Variants in NXPE2 observed in about 807,000 individuals in gnomAD.
NXPE2 encodes neurexophilin and PC-esterase domain family member 2.
A neutral mutation model predicts 34.4 loss-of-function variants in NXPE2; 34 were observed. That is an observed-to-expected ratio of 0.99 (90% CI 0.75 to 1.31). The LOEUF is 1.31. Ranked by LOEUF, NXPE2 falls within the 40% of genes most tolerant of loss-of-function variation. The pLI is 0.00. For synonymous variants in NXPE2, 235 were observed against 231.3 expected, an observed-to-expected ratio of 1.02 and a Z score of -0.15; for missense variants, 649 against 672.5, an observed-to-expected ratio of 0.97 and a Z score of 0.39.
At chr11:114,790,735 A>G in the NXPE2 span, among the ~76,000 whole-genome samples, 1 of 151,988 alleles carries the variant, frequency 6.6e-6, no homozygotes, top group Non-Finnish European at 1.5e-5. Flanking sequence ...CCAGGTCTCG[A>G]AGCTTTTCAT....
At chr11:114,765,886 C>T in the NXPE2 span, among the ~76,000 whole-genome samples, 2 of 152,296 alleles carry the variant, frequency 1.3e-5, no homozygotes, top group African/African-American at 4.8e-5. Flanking sequence ...ACCTACAGTA[C>T]ATCTCTCCAG....
At chr11:114,723,877 C>CA in the NXPE2 span, among the ~76,000 whole-genome samples, 10 of 152,260 alleles carry the variant, frequency 6.6e-5, no homozygotes, top group African/African-American at 2.4e-4. Context: ...AGCAATGTGG[C>CA]AGCCTTGGTG....
chr11:114,685,527 G>C (rs750015642), intron 2 of NXPE2, among the ~76,000 whole-genome samples: 2 of 152,142 alleles, frequency 1.3e-5, no homozygotes, highest in Non-Finnish European at 2.9e-5. Context: ...AAGTTAAGTT[G>C]TAACATACAA....
chr11:114,773,047 T>C, the NXPE2 span, among the ~76,000 whole-genome samples: 3 of 152,158 alleles, frequency 2.0e-5, no homozygotes, highest in Admixed American at 6.5e-5. Flanking sequence ...CACTGGGGTA[T>C]GAAGGCAGAG....
chr11:114,808,432 T>C, the NXPE2 span, among the ~76,000 whole-genome samples: 1 of 149,614 alleles, frequency 6.7e-6, no homozygotes, highest in South Asian at 2.2e-4. Context: ...ATCAACAAAA[T>C]TGATAGGCTG....
intron 2 of NXPE2, among the ~76,000 whole-genome samples, chr11:114,684,090 T>A (rs1233168395): frequency 6.6e-6 from 1 of 152,098 alleles, no homozygotes; most frequent in African/African-American, 2.4e-5. Flanking sequence ...AGTGGAGATG[T>A]TGAATATATA....
At chr11:114,523,010 A>T in the NXPE2 span, 2 of 1,613,628 alleles carry the variant, frequency 1.2e-6, no homozygotes, top group Non-Finnish European at 1.7e-6. Context: ...AAATGTTGTT[A>T]TCCATTTTCC....
the NXPE2 span, among the ~76,000 whole-genome samples, chr11:114,737,837 C>A: frequency 6.6e-6 from 1 of 152,096 alleles, no homozygotes; most frequent in Non-Finnish European, 1.5e-5. Flanking sequence ...AATCCCAGCA[C>A]TTTGGGAGGC....
At chr11:114,601,794 A>G in the NXPE2 span, among the ~76,000 whole-genome samples, 1 of 72,780 alleles carries the variant, frequency 1.4e-5, no homozygotes, top group Non-Finnish European at 2.3e-5. Context: ...AACATGTGAT[A>G]TATGATTATA....
At chr11:114,622,271 A>G in the NXPE2 span, among the ~76,000 whole-genome samples, 4 of 148,354 alleles carry the variant, frequency 2.7e-5, no homozygotes, top group African/African-American at 9.9e-5. Context: ...TTGCCTCGTG[A>G]GTAATCACTG....
the NXPE2 span, among the ~76,000 whole-genome samples, chr11:114,515,368 T>C: frequency 6.6e-6 from 1 of 152,216 alleles, no homozygotes; most frequent in Non-Finnish European, 1.5e-5. Flanking sequence ...AGAAACAATT[T>C]TGCTTATTAC....
the NXPE2 span, among the ~76,000 whole-genome samples, chr11:114,471,303 T>C: frequency 6.6e-6 from 1 of 150,540 alleles, no homozygotes; most frequent in Non-Finnish European, 1.5e-5. Context: ...AGTTAATTTT[T>C]GTATATGGTG....
chr11:114,762,099 T>C, the NXPE2 span, among the ~76,000 whole-genome samples: 1 of 151,852 alleles, frequency 6.6e-6, no homozygotes, highest in African/African-American at 2.4e-5. Context: ...AAGGATGGAG[T>C]AGCCAGGTCT....
chr11:114,735,873 C>T, the NXPE2 span, among the ~76,000 whole-genome samples: 11 of 152,268 alleles, frequency 7.2e-5, no homozygotes, highest in South Asian at 2.1e-4. Flanking sequence ...AATTCACCCC[C>T]GATATTTCAC....
the NXPE2 span, among the ~76,000 whole-genome samples, chr11:114,579,867 T>C: frequency 6.6e-6 from 1 of 152,162 alleles, no homozygotes; most frequent in Non-Finnish European, 1.5e-5. Context: ...CCATCAATAG[T>C]TTTTGGAGCC....
chr11:114,690,749 A>G (rs1276135778), intron 2 of NXPE2, among the ~76,000 whole-genome samples: 1 of 152,128 alleles, frequency 6.6e-6, no homozygotes, highest in Non-Finnish European at 1.5e-5. Flanking sequence ...ATCACTTTAC[A>G]TAATCCCTTA....
chr11:114,637,803 C>G, the NXPE2 span, among the ~76,000 whole-genome samples: 1 of 152,046 alleles, frequency 6.6e-6, no homozygotes, highest in African/African-American at 2.4e-5. Flanking sequence ...CCACTCTCTT[C>G]TGGCTTGTAG....
At chr11:114,703,456 T>C (rs1251697937) in intron 3 of NXPE2, among the ~76,000 whole-genome samples, 1 of 152,218 alleles carries the variant, frequency 6.6e-6, no homozygotes, top group Admixed American at 6.5e-5. Context: ...ACCCCATAAC[T>C]GTTGAATCAG....
At chr11:114,748,821 C>T in the NXPE2 span, among the ~76,000 whole-genome samples, 1 of 152,142 alleles carries the variant, frequency 6.6e-6, no homozygotes, top group African/African-American at 2.4e-5. Context: ...TTTGGAACTA[C>T]ATATATATCC....
Sources: allele counts gnomAD v4.1 joint callset (sites outside exome capture counted in the v4.1 genomes callset), GRCh38; gene constraint gnomAD v4.1.1; transcripts MANE v1.5; gene names NCBI Gene and HGNC (gene_info 2026-07-23, HGNC 2026-07-21).